The following TPTE2 variants were observed in gnomAD, a reference collection of about 807,000 sequenced individuals.
TPTE2 encodes the protein transmembrane phosphoinositide 3-phosphatase and tensin homolog 2, also known as phosphatidylinositol 3,4,5-trisphosphate 3-phosphatase TPTE2.
A neutral mutation model predicts 78.6 loss-of-function variants in TPTE2; 53 were observed. The observed-to-expected ratio is 0.67, with a 90% CI of 0.54 to 0.85. The LOEUF is 0.85. Ranked by LOEUF, TPTE2 falls within the 40% of genes least tolerant of loss-of-function variation. TPTE2 has a pLI of 0.00. For synonymous variants in TPTE2, 175 were observed against 206.2 expected, an observed-to-expected ratio of 0.85 and a Z score of 1.30; for missense variants, 461 against 623.0, an observed-to-expected ratio of 0.74 and a Z score of 2.77.
At chr13:19,481,360 C>A (rs1432596411) in intron 4 of TPTE2, among the ~76,000 whole-genome samples, 3 of 152,104 alleles carry the variant, frequency 2.0e-5, no homozygotes, top group Admixed American at 6.6e-5. Context: ...TGCATCATAG[C>A]CAGTTTACAT....
At chr13:19,508,970 T>G (rs1869251974) in intron 1 of TPTE2, among the ~76,000 whole-genome samples, 1 of 152,182 alleles carries the variant, frequency 6.6e-6, no homozygotes, top group South Asian at 2.1e-4. Flanking sequence ...TGCTGTTCTC[T>G]GAATATATTG....
the TPTE2 span, among the ~76,000 whole-genome samples, chr13:19,551,563 G>C: frequency 1.3e-5 from 2 of 150,588 alleles, no homozygotes; most frequent in African/African-American, 4.9e-5. Context: ...TCCAGCCTGA[G>C]AGACAGAGAG....
chr13:19,468,144 G>C (rs1395538645), intron 6 of TPTE2, among the ~76,000 whole-genome samples: 10 of 130,824 alleles, frequency 7.6e-5, no homozygotes, highest in Non-Finnish European at 1.2e-4. Context: ...AGGTTCAAGC[G>C]ATTCTCCTGC....
intron 15 of TPTE2, among the ~76,000 whole-genome samples, chr13:19,435,162 A>G (rs1876979236): frequency 6.6e-6 from 1 of 152,212 alleles, no homozygotes; most frequent in African/African-American, 2.4e-5. Context: ...AAACCAAATG[A>G]AATGTGTGGA....
chr13:19,519,197 G>A (rs551702341), intron 1 of TPTE2, among the ~76,000 whole-genome samples: 11 of 152,180 alleles, frequency 7.2e-5, no homozygotes, highest in Non-Finnish European at 5.9e-5. Flanking sequence ...TTTGAAATAT[G>A]CCCAGAGCAT....
intron 14 of TPTE2, 43 bp from the exon 18 acceptor site, chr13:19,436,349 T>C (rs936523643): frequency 1.3e-6 from 2 of 1,542,780 alleles, no homozygotes; most frequent in Non-Finnish European, 1.8e-6. Context: ...ATCTGCACTC[T>C]TTCCTTTCCT....
At chr13:19,541,900 G>T in the TPTE2 span, among the ~76,000 whole-genome samples, 1 of 152,014 alleles carries the variant, frequency 6.6e-6, no homozygotes, top group Admixed American at 6.6e-5. Flanking sequence ...TATAAGATTG[G>T]AATTATTTTT....
At chr13:19,527,873 T>C (rs1483489321) in intron 1 of TPTE2, among the ~76,000 whole-genome samples, 2 of 152,174 alleles carry the variant, frequency 1.3e-5, no homozygotes, top group East Asian at 3.9e-4. Context: ...AGGTTATGGG[T>C]CCTGCAGAGA....
At chr13:19,439,575 A>G (rs1593354595) in intron 13 of TPTE2, among the ~76,000 whole-genome samples, 3 of 152,228 alleles carry the variant, frequency 2.0e-5, no homozygotes, top group South Asian at 2.1e-4. Flanking sequence ...TAGTGACACT[A>G]CCAAAGGATC....
At position 19,425,930 on chromosome 13, in the gene TPTE2, T is replaced by C. The variant is rs112168122; in HGVS notation, c.1395+495A>G. On this transcript the variant is annotated intron_variant, in intron 18 of 19. Transcript: ENST00000400230. ...TGAGTCACCCAAACCTAACTCTTTC[T>C]AGTCAGTGCTCCCAGCTACTCGGGA... The C allele has an allele frequency of 5.4e-3, 2,678 of 495,676 alleles. 47 individuals carry two copies. Among genetic ancestry groups the C allele is most frequent in the African/African-American group, 0.041 (2,086 of 51,252 alleles). The allele number at this position is 495,676 out of a possible 1,614,324, so 30.7% of individuals were successfully genotyped here. A position where few individuals can be genotyped will look rare whatever the true frequency, so the allele number is the denominator to read the frequency against.
At chr13:19,485,267 T>G (rs1880597082) in intron 3 of TPTE2, among the ~76,000 whole-genome samples, 1 of 152,146 alleles carries the variant, frequency 6.6e-6, no homozygotes, top group Admixed American at 6.5e-5. Flanking sequence ...TCTTGGTTTT[T>G]CTTTATCTAT....
chr13:19,458,890 T>C (rs567909202), intron 10 of TPTE2, among the ~76,000 whole-genome samples: 11 of 152,302 alleles, frequency 7.2e-5, no homozygotes, highest in Non-Finnish European at 1.0e-4. Flanking sequence ...TGTGCATGCA[T>C]GTATTTTTAT....
intron 1 of TPTE2, among the ~76,000 whole-genome samples, chr13:19,502,166 G>A (rs1396092642): frequency 0.015 from 1,053 of 69,890 alleles, 11 homozygotes; most frequent in Middle Eastern, 0.039. Flanking sequence ...TGGAGAGGAC[G>A]TGGAGAAATA....
chr13:19,528,117 C>G (rs1870626758), intron 1 of TPTE2, among the ~76,000 whole-genome samples: 1 of 152,104 alleles, frequency 6.6e-6, no homozygotes, highest in Admixed American at 6.5e-5. Flanking sequence ...TGCGGTGGCT[C>G]ACACCTGTAC....
chr13:19,514,144 G>C (rs779844755), intron 1 of TPTE2, among the ~76,000 whole-genome samples: 1 of 152,124 alleles, frequency 6.6e-6, no homozygotes, highest in Non-Finnish European at 1.5e-5. Context: ...CCACTCTTGA[G>C]AGAGTATCAT....
chr13:19,498,138 T>C (rs1009900047), intron 1 of TPTE2, among the ~76,000 whole-genome samples: 1 of 151,854 alleles, frequency 6.6e-6, no homozygotes, highest in African/African-American at 2.4e-5. Flanking sequence ...CTCCAAGAAA[T>C]ATGGGACTAT....
intron 17 of TPTE2, among the ~76,000 whole-genome samples, chr13:19,428,585 C>T (rs980916215): frequency 6.6e-6 from 1 of 151,984 alleles, no homozygotes; most frequent in Non-Finnish European, 1.5e-5. Flanking sequence ...AGTCTGAGAC[C>T]AGCCTGGGCA....
chr13:19,561,130 G>A, the TPTE2 span: 3 of 1,604,544 alleles, frequency 1.9e-6, no homozygotes, highest in East Asian at 4.5e-5. Flanking sequence ...GGCAGTGGGT[G>A]GGAGCTGGAC....
At chr13:19,454,417 C>T (rs891305022) in intron 10 of TPTE2, among the ~76,000 whole-genome samples, 12 of 152,306 alleles carry the variant, frequency 7.9e-5, no homozygotes, top group African/African-American at 2.9e-4. Flanking sequence ...GCAGGACATG[C>T]TGTTATCACT....
Sources: gnomAD v4.1 joint callset for allele counts (sites outside exome capture counted in the v4.1 genomes callset) on GRCh38, gnomAD v4.1.1 for gene constraint, MANE v1.5 for transcripts, NCBI Gene and HGNC (gene_info 2026-07-23, HGNC 2026-07-21) for gene names.